NCOR2: variants seen among roughly 807,000 people sequenced by gnomAD.
NCOR2 encodes the protein CTG repeat protein 26.
Under a neutral mutation model 262.9 loss-of-function variants are expected in NCOR2, and 81 were observed. The ratio of observed to expected loss-of-function variants is 0.31; its 90% CI spans 0.26 to 0.37. NCOR2 has a LOEUF of 0.37. Among genes scored for constraint, NCOR2 ranks in the 10% least tolerant of loss-of-function variants. The pLI, the probability that NCOR2 is intolerant of heterozygous loss-of-function variation, is 1.00. For missense variants in NCOR2, 3,385 were observed against 3,621.4 expected (o/e 0.93, Z 1.68); for synonymous variants, 1,659 against 1,559.3 (o/e 1.06, Z -1.51).
At chr12:124,353,243 G>T (rs1195432474) in intron 27 of NCOR2, among the ~76,000 whole-genome samples, 1 of 152,228 alleles carries the variant, frequency 6.6e-6, no homozygotes, top group Non-Finnish European at 1.5e-5. Flanking sequence ...TTAGCAAAGG[G>T]GAAACGGAGT....
chr12:124,438,120 A>T, intron 7 of NCOR2, 124 bp from the exon 10 acceptor site: 2 of 843,380 alleles, frequency 2.4e-6, no homozygotes, highest in South Asian at 1.6e-5. Flanking sequence ...GGGAGATGAG[A>T]CCCACCCGTG....
At chr12:124,544,448 C>T (rs568026688) in intron 1 of NCOR2, among the ~76,000 whole-genome samples, 10 of 152,292 alleles carry the variant, frequency 6.6e-5, no homozygotes, top group South Asian at 2.1e-4. Context: ...CCCTGGAGGG[C>T]GGGGGCACCA....
intron 13 of NCOR2, among the ~76,000 whole-genome samples, chr12:124,416,754 G>A (rs1242539772): frequency 6.8e-6 from 1 of 146,248 alleles, no homozygotes; most frequent in Non-Finnish European, 1.5e-5. Context: ...TAGACCCCGC[G>A]GCACAGGGAG....
intron 20 of NCOR2, among the ~76,000 whole-genome samples, chr12:124,364,933 G>A (rs547810956): frequency 6.7e-6 from 1 of 150,338 alleles, no homozygotes; most frequent in African/African-American, 2.4e-5. Context: ...GGGGGTATTT[G>A]GAGGCAGCCT....
chr12:124,431,448 A>AC (rs1247990463), intron 8 of NCOR2, among the ~76,000 whole-genome samples: 1 of 150,574 alleles, frequency 6.6e-6, no homozygotes, highest in Non-Finnish European at 1.5e-5. Context: ...AGGCAGACAG[A>AC]CAGTCATATA....
At chr12:124,369,692 C>T (rs2039333437) in intron 20 of NCOR2, among the ~76,000 whole-genome samples, 1 of 152,268 alleles carries the variant, frequency 6.6e-6, no homozygotes, top group Admixed American at 6.5e-5. Context: ...GGGCCTGGGC[C>T]TAGTCGCACA....
intron 37 of NCOR2, 39 bp downstream of exon 39, chr12:124,339,967 C>G: frequency 7.3e-7 from 1 of 1,361,346 alleles, no homozygotes; most frequent in South Asian, 1.1e-5. Flanking sequence ...GACCACCCAT[C>G]CACCTGCCCG....
chr12:124,445,593 CG>C (rs2045112236), intron 7 of NCOR2, among the ~76,000 whole-genome samples: 1 of 152,170 alleles, frequency 6.6e-6, no homozygotes, highest in Non-Finnish European at 1.5e-5. Context: ...ATGACAGCAG[CG>C]GGGGCGAGGA....
At chr12:124,559,856 T>C (rs974951213) in intron 1 of NCOR2, among the ~76,000 whole-genome samples, 2 of 152,146 alleles carry the variant, frequency 1.3e-5, no homozygotes, top group African/African-American at 4.8e-5. Flanking sequence ...TTTGGAAAAT[T>C]GTGAAAACGA....
At chr12:124,526,722 A>T (rs922655407) in intron 1 of NCOR2, among the ~76,000 whole-genome samples, 4 of 152,058 alleles carry the variant, frequency 2.6e-5, no homozygotes, top group Admixed American at 2.0e-4. Flanking sequence ...TGGGGTGCAC[A>T]CAGCTCCCTG....
intron 21 of NCOR2, 51 bp downstream of exon 23, chr12:124,363,628 G>A (rs1346971657): frequency 1.1e-5 from 15 of 1,311,458 alleles, no homozygotes; most frequent in African/African-American, 1.5e-5. Context: ...CAATGAATGG[G>A]AAAGTCAAGG....
intron 37 of NCOR2, among the ~76,000 whole-genome samples, chr12:124,338,040 T>C (rs2036041023): frequency 6.6e-6 from 1 of 152,258 alleles, no homozygotes; most frequent in Admixed American, 6.5e-5. Flanking sequence ...TTCATGCACC[T>C]GCTGGGTCTG....
chr12:124,369,885 C>T (rs1262466873), intron 20 of NCOR2, among the ~76,000 whole-genome samples: 1 of 151,918 alleles, frequency 6.6e-6, no homozygotes, highest in East Asian at 1.9e-4. Flanking sequence ...GGCCTCAGGC[C>T]TAGCCTGAGT....
chr12:124,357,835 C>CCT (rs2038079984), intron 22 of NCOR2, among the ~76,000 whole-genome samples: 1 of 16,444 alleles, frequency 6.1e-5, no homozygotes, highest in Non-Finnish European at 2.5e-4. Context: ...CGTGTATGTG[C>CCT]ATGTGTGTGT....
intron 1 of NCOR2, among the ~76,000 whole-genome samples, chr12:124,491,694 A>T (rs559140702): frequency 6.6e-6 from 1 of 152,332 alleles, no homozygotes; most frequent in African/African-American, 2.4e-5. Context: ...AGAAGGCAGA[A>T]TGCAGCTGGG....
rs1202473777 is a variant in NCOR2, at chr12:124,332,580, C to T, written c.6756-113G>A. On this transcript the variant is annotated intron_variant, in intron 42 of 46. Transcript: ENST00000405201. ...TAGACATTTGGAAGCAAGCTTCACC[C>T]GCCCCCACGCCTGCATCCCCTGCCT... 6.2e-5 allele frequency: 83 copies of T among 1,331,060 alleles called. 1 individual carries two copies. The highest frequency in any genetic ancestry group is 6.0e-4 in the South Asian group (47 of 78,936). The allele number at this position is 1,331,060 out of a possible 1,614,324, so 82.5% of individuals were successfully genotyped here. A position where few individuals can be genotyped will look rare whatever the true frequency, so the allele number is the denominator to read the frequency against.
At position 124,344,844 on chromosome 12, in the gene NCOR2, C is replaced by G. The variant is rs1010080012; in HGVS notation, c.4467G>C (p.Pro1489=). The G allele has an allele frequency of 4.5e-6, 7 of 1,565,666 alleles. No individual in the cohort carries two copies. In the Admixed American group the frequency reaches 1.3e-4, roughly 30 times the overall value. Residue 1489 remains proline, a synonymous_variant, in exon 32 of 47, where the codon CCG becomes CCC. Coordinates refer to ENST00000405201, the Ensembl canonical transcript of NCOR2. The stretch of plus-strand genomic sequence containing the variant: ...CCCGGGCGTCGGCCATCACATCCAG[C>G]GGGTGCACGGGTGGGAACGTCCGGC...
At chr12:124,505,979 C>T (rs913492154) in intron 1 of NCOR2, among the ~76,000 whole-genome samples, 1 of 152,052 alleles carries the variant, frequency 6.6e-6, no homozygotes, top group Non-Finnish European at 1.5e-5. Flanking sequence ...ACCCCCAGCA[C>T]CAGCCCCATC....
At chr12:124,506,923 G>A (rs1373872916) in intron 1 of NCOR2, among the ~76,000 whole-genome samples, 2 of 152,202 alleles carry the variant, frequency 1.3e-5, no homozygotes, top group Non-Finnish European at 2.9e-5. Context: ...AGCTGGGGCT[G>A]AGCTCCTGGA....
Sources: allele counts gnomAD v4.1 joint callset (sites outside exome capture counted in the v4.1 genomes callset), GRCh38; gene constraint gnomAD v4.1.1; transcripts MANE v1.5; gene names NCBI Gene and HGNC (gene_info 2026-07-23, HGNC 2026-07-21).